SUSD5: variants seen among roughly 807,000 people sequenced by gnomAD.
SUSD5 encodes sushi domain-containing protein 5.
SUSD5 carries 33 observed loss-of-function variants against 29.5 expected under a neutral mutation model. The observed-to-expected ratio is 1.12, with a 90% CI of 0.85 to 1.49. SUSD5 has a LOEUF of 1.49. SUSD5 is among the 40% of genes most tolerant of loss of function. The pLI is 0.00. For missense variants in SUSD5, 776 were observed against 800.6 expected (o/e 0.97, Z 0.37); for synonymous variants, 308 against 325.3 (o/e 0.95, Z 0.57).
In SUSD5 at chr3:33,218,609, G is replaced by A. The variant is rs966124083; in HGVS notation, c.112+77C>T. 6 of 1,188,586 alleles carry A rather than the reference G, an allele frequency of 5.0e-6. No homozygotes were observed. In the African/African-American group the frequency reaches 7.9e-5, roughly 16 times the overall value. The allele number at this position is 1,188,586 out of a possible 1,614,324, so 73.6% of individuals were successfully genotyped here. On this transcript the variant is annotated intron_variant, in intron 1 of 4. Transcript: ENST00000309558. ...CCGCTTGCCGGGCCGGTCAGAGGGA[G>A]CAGCCCCGGCGAGCTACGCCCTCCC... is the stretch of plus-strand genomic sequence containing the variant.
chr3:33,209,649 T>G (rs1575545771), intron 2 of SUSD5, among the ~76,000 whole-genome samples: 1 of 151,042 alleles, frequency 6.6e-6, no homozygotes, highest in Non-Finnish European at 1.5e-5. Flanking sequence ...TCTCTCTTCT[T>G]TCTTTCTTTT....
chr3:33,198,736 C>T (rs546932336), intron 3 of SUSD5, among the ~76,000 whole-genome samples: 3 of 152,290 alleles, frequency 2.0e-5, no homozygotes, highest in South Asian at 2.1e-4. Context: ...CTTTCCTGCC[C>T]GCAGTCTGAC....
chr3:33,161,954 T>G (rs1045557842), intron 4 of SUSD5, among the ~76,000 whole-genome samples: 1 of 152,166 alleles, frequency 6.6e-6, no homozygotes, highest in African/African-American at 2.4e-5. Flanking sequence ...AATATAGATT[T>G]GAACAACACA....
At chr3:33,197,532 A>G (rs564041496) in intron 3 of SUSD5, among the ~76,000 whole-genome samples, 1 of 151,496 alleles carries the variant, frequency 6.6e-6, no homozygotes, top group East Asian at 1.9e-4. Flanking sequence ...TGCTAAATGT[A>G]TCCAATTGTA....
In SUSD5 at chr3:33,153,569, C is replaced by T; in HGVS notation, c.1063G>A (p.Asp355Asn). The T allele has an allele frequency of 6.2e-7, 1 of 1,614,046 alleles. No individual in the cohort carries two copies. Among genetic ancestry groups the T allele is most frequent in the Admixed American group, 1.7e-5 (1 of 60,030 alleles). ...ACCACTGGATCTCCTGCCTTGCTGTCATTCTTGCCCACAAATGGCCCCGAG... is the reference window on the plus strand; with the variant it reads ...ACCACTGGATCTCCTGCCTTGCTGTTATTCTTGCCCACAAATGGCCCCGAG... ...GPSGPFVGKNDSKAGDPVVSS... is the reference protein window; with the variant it reads ...GPSGPFVGKNNSKAGDPVVSS... The change falls in exon 5 of 5, where the codon GAC (aspartate) becomes AAC (asparagine). Residue 355 changes from aspartate to asparagine, a missense_variant. By Grantham distance (23) the Asp-to-Asn change is conservative. Transcript: ENST00000309558.
intron 3 of SUSD5, among the ~76,000 whole-genome samples, chr3:33,191,199 G>A (rs926975374): frequency 3.3e-5 from 5 of 151,172 alleles, no homozygotes; most frequent in South Asian, 2.1e-4. Context: ...GCATGATCTC[G>A]GCTCACTACA....
At position 33,167,185 on chromosome 3, in the gene SUSD5, A is replaced by AT. The variant is rs2031322162; in HGVS notation, c.598+7700_598+7701insA. On this transcript the variant is annotated intron_variant, in intron 4 of 4. Coordinates refer to ENST00000309558, the MANE Select transcript of SUSD5 (RefSeq NM_015551.2). This position sits in a 1 kb window ranked among gnomAD's most constrained non-coding sequence, Gnocchi z 4.1. Reference sequence around the variant, plus strand: ...CAAGAGCGAGACTCCATCTCAAAAAAATATATATATATATAAATATATATA... The same window carrying AT: ...CAAGAGCGAGACTCCATCTCAAAAAATATATATATATATATAAATATATATA... Among the ~76,000 whole-genome samples the AT allele has an allele frequency of 2.7e-5, 4 of 150,382 alleles. No homozygotes were observed. The South Asian group carries it at 6.3e-4, about 24-fold the overall frequency.
intron 4 of SUSD5, among the ~76,000 whole-genome samples, chr3:33,168,199 CT>C (rs2031345996): frequency 6.6e-6 from 1 of 152,146 alleles, no homozygotes; most frequent in Admixed American, 6.5e-5. Flanking sequence ...TACTTTCCAT[CT>C]TTTTTTACTT....
chr3:33,188,758 G>A (rs2125625750), intron 3 of SUSD5, among the ~76,000 whole-genome samples: 1 of 152,304 alleles, frequency 6.6e-6, no homozygotes, highest in South Asian at 2.1e-4. Context: ...AAGGACTCCA[G>A]GGAACTTTCT....
chr3:33,196,499 C>A (rs375879268), intron 3 of SUSD5, among the ~76,000 whole-genome samples: 1 of 152,148 alleles, frequency 6.6e-6, no homozygotes, highest in East Asian at 1.9e-4. Flanking sequence ...TGCCCTAACA[C>A]AGACAACAGC....
intron 3 of SUSD5, among the ~76,000 whole-genome samples, chr3:33,202,526 G>T (rs2032140073): frequency 1.3e-5 from 2 of 152,170 alleles, no homozygotes; most frequent in East Asian, 1.9e-4. Context: ...GTGGGCTGGG[G>T]AGAGGGAAGC....
At chr3:33,186,692 T>A (rs556988347) in intron 3 of SUSD5, among the ~76,000 whole-genome samples, 3 of 152,260 alleles carry the variant, frequency 2.0e-5, no homozygotes, top group Non-Finnish European at 4.4e-5. Context: ...CCCAAAGTCC[T>A]GGGATTACAG....
chr3:33,213,075 G>A (rs908906752), intron 2 of SUSD5, among the ~76,000 whole-genome samples: 15 of 152,130 alleles, frequency 9.9e-5, no homozygotes, highest in Non-Finnish European at 2.2e-4. Context: ...TGCATTATTT[G>A]AAATTTTTAC....
At chr3:33,206,454 T>A (rs1484047918) in intron 3 of SUSD5, among the ~76,000 whole-genome samples, 1 of 145,602 alleles carries the variant, frequency 6.9e-6, no homozygotes, top group Non-Finnish European at 1.5e-5. Context: ...TGTGTGTGTA[T>A]GTGTTTTAAG....
chr3:33,212,686 C>A (rs1029637312), intron 2 of SUSD5, among the ~76,000 whole-genome samples: 6 of 152,192 alleles, frequency 3.9e-5, no homozygotes, highest in Non-Finnish European at 8.8e-5. Flanking sequence ...AAAGGAGATA[C>A]CTCCATGTGG....
At chr3:33,176,236 C>G (rs979830938) in intron 3 of SUSD5, among the ~76,000 whole-genome samples, 1 of 152,168 alleles carries the variant, frequency 6.6e-6, no homozygotes, top group African/African-American at 2.4e-5. Flanking sequence ...GTTTATTTAT[C>G]TATTCACCTA....
intron 3 of SUSD5, among the ~76,000 whole-genome samples, chr3:33,189,728 TTA>T (rs2031853359): frequency 7.2e-5 from 11 of 152,304 alleles, no homozygotes; most frequent in Admixed American, 4.6e-4. Flanking sequence ...GGAATTCTAA[TTA>T]GATTGGCATA....
chr3:33,202,038 ATCTATCTATCTATCTATCTATCTG>A (rs1292025057), intron 3 of SUSD5, among the ~76,000 whole-genome samples: 54 of 140,942 alleles, frequency 3.8e-4, no homozygotes, highest in African/African-American at 1.3e-3. Context: ...CTATCTATCT[ATCTATCTATCTATCTATCTATCTG>A]TCTATCTATC....
intron 3 of SUSD5, among the ~76,000 whole-genome samples, chr3:33,178,260 T>A (rs2031593627): frequency 1.3e-5 from 2 of 152,238 alleles, no homozygotes; most frequent in Admixed American, 6.5e-5. Context: ...GTGATTTTTC[T>A]TCCATAACCT....
Sources: allele counts gnomAD v4.1 joint callset (sites outside exome capture counted in the v4.1 genomes callset), GRCh38; gene constraint gnomAD v4.1.1; non-coding constraint Gnocchi (gnomAD v3.1); transcripts MANE v1.5; gene names NCBI Gene and HGNC (gene_info 2026-07-23, HGNC 2026-07-21).